The following IL1RL1 variants were observed in gnomAD, a reference collection of about 807,000 sequenced individuals.
The protein encoded by IL1RL1 is interleukin 1 receptor like 1, also known as interleukin-1 receptor-like 1.
A neutral mutation model predicts 50.9 loss-of-function variants in IL1RL1; 32 were observed. The ratio of observed to expected loss-of-function variants is 0.63; its 90% CI spans 0.47 to 0.84. The LOEUF is 0.84. IL1RL1 is among the 40% of genes least tolerant of loss of function. The pLI, the probability that IL1RL1 is intolerant of heterozygous loss-of-function variation, is 0.00. For missense variants in IL1RL1, 773 were observed against 662.9 expected (o/e 1.17, Z -1.82); for synonymous variants, 275 against 236.0 (o/e 1.17, Z -1.51).
chr2:102,311,982 T>C (rs1676512436), intron 1 of IL1RL1, among the ~76,000 whole-genome samples: 1 of 33,696 alleles, frequency 3.0e-5, no homozygotes, highest in Non-Finnish European at 4.5e-5. Flanking sequence ...TTATATATAA[T>C]ATATATTATA....
At chr2:102,321,538 C>T (rs578049190) in intron 1 of IL1RL1, among the ~76,000 whole-genome samples, 6 of 152,284 alleles carry the variant, frequency 3.9e-5, no homozygotes, top group African/African-American at 1.4e-4. Context: ...CACTGACATC[C>T]TTACCACTGA....
chr2:102,323,799 G>T (rs1419256542), intron 1 of IL1RL1, among the ~76,000 whole-genome samples: 1 of 152,042 alleles, frequency 6.6e-6, no homozygotes, highest in Non-Finnish European at 1.5e-5. Flanking sequence ...AAATATCCAT[G>T]CATACCACCT....
intron 1 of IL1RL1, among the ~76,000 whole-genome samples, chr2:102,316,068 G>A (rs553456653): frequency 2.9e-4 from 44 of 152,230 alleles, no homozygotes; most frequent in African/African-American, 1.0e-3. Flanking sequence ...TCAGATCCAG[G>A]ACTAATTCAC....
intron 1 of IL1RL1, among the ~76,000 whole-genome samples, chr2:102,313,779 C>G (rs1676590561): frequency 6.6e-6 from 1 of 152,190 alleles, no homozygotes; most frequent in Admixed American, 6.5e-5. Context: ...AGGAGTCTTA[C>G]AACAGTGGCG....
chr2:102,346,071 T>C (rs1573161067), intron 8 of IL1RL1: 1 of 968,918 alleles, frequency 1.0e-6, no homozygotes, highest in South Asian at 4.8e-5. Context: ...AGCAACTGTA[T>C]AAATTAAACA....
At chr2:102,346,499 C>T (rs1677789274) in intron 8 of IL1RL1, among the ~76,000 whole-genome samples, 1 of 152,190 alleles carries the variant, frequency 6.6e-6, no homozygotes, top group Admixed American at 6.5e-5. Flanking sequence ...AAGACTTCCT[C>T]TGATGTCTTG....
chr2:102,312,819 C>T (rs1319363751), intron 1 of IL1RL1: 1 of 152,102 alleles, frequency 6.6e-6, no homozygotes, highest in Non-Finnish European at 1.5e-5. Flanking sequence ...CTGAAGGCTA[C>T]TTCAACAGAG....
At chr2:102,331,717 CTT>C (rs972816328) in intron 1 of IL1RL1, among the ~76,000 whole-genome samples, 5 of 152,198 alleles carry the variant, frequency 3.3e-5, no homozygotes, top group Non-Finnish European at 7.3e-5. Flanking sequence ...TATATAAAAG[CTT>C]TATTTTTTGA....
chr2:102,333,021 G>A (rs1677216776), intron 1 of IL1RL1, among the ~76,000 whole-genome samples: 1 of 152,052 alleles, frequency 6.6e-6, no homozygotes, highest in African/African-American at 2.4e-5. Flanking sequence ...ATGAGGATAC[G>A]GGGTTGGAGG....
At chr2:102,344,071 A>T in intron 8 of IL1RL1, 1 of 238,130 alleles carries the variant, frequency 4.2e-6, no homozygotes, top group Non-Finnish European at 6.8e-6. Flanking sequence ...GCTTCTGGGG[A>T]CACCTCAGGA....
chr2:102,328,095 A>C (rs1331469034), intron 1 of IL1RL1, among the ~76,000 whole-genome samples: 1 of 152,204 alleles, frequency 6.6e-6, no homozygotes, highest in Non-Finnish European at 1.5e-5. Flanking sequence ...ACATTGATGC[A>C]AAAATCCTCA....
chr2:102,343,010 T>A, intron 6 of IL1RL1, 26 bp from the exon 7 acceptor site: 1 of 1,599,434 alleles, frequency 6.3e-7, no homozygotes, highest in Non-Finnish European at 8.5e-7. Context: ...TTAATTTTAT[T>A]GGTGAATGTC....
intron 1 of IL1RL1, among the ~76,000 whole-genome samples, chr2:102,325,251 T>C (rs1176572604): frequency 6.6e-6 from 1 of 152,076 alleles, no homozygotes; most frequent in African/African-American, 2.4e-5. Context: ...GGGTCTGGAG[T>C]GGAACTCCAG....
intron 8 of IL1RL1, 48 bp from the exon 9 acceptor site, chr2:102,347,897 A>T: frequency 8.9e-7 from 1 of 1,120,372 alleles, no homozygotes. Context: ...TCAGTTTATT[A>T]TATCTTGTTT....
chr2:102,342,956 G>GA, intron 6 of IL1RL1, 80 bp from the exon 7 acceptor site: 1 of 1,230,406 alleles, frequency 8.1e-7, no homozygotes. Flanking sequence ...GTTCAGTAAG[G>GA]TTTTTTTTTT....
At chr2:102,345,847 G>C in intron 8 of IL1RL1, 1 of 985,392 alleles carries the variant, frequency 1.0e-6, no homozygotes, top group Non-Finnish European at 1.2e-6. Context: ...TGGGGTGGTG[G>C]TGGGCCCAGT....
chr2:102,325,098 C>T (rs1456091314), intron 1 of IL1RL1, among the ~76,000 whole-genome samples: 1 of 152,162 alleles, frequency 6.6e-6, no homozygotes, highest in Non-Finnish European at 1.5e-5. Flanking sequence ...GGGAGGCACC[C>T]CCCAGTAGGG....
At chr2:102,343,220 T>C (rs562021540) in intron 7 of IL1RL1, 43 bp downstream of exon 7, 16 of 1,614,034 alleles carry the variant, frequency 9.9e-6, no homozygotes, top group Non-Finnish European at 1.3e-5. Context: ...CCCTTGCACA[T>C]GGTTTGCACC....
intron 1 of IL1RL1, among the ~76,000 whole-genome samples, 165 bp downstream of exon 1, chr2:102,311,788 T>A (rs1487713903): frequency 1.8e-5 from 2 of 108,260 alleles, no homozygotes; most frequent in Non-Finnish European, 3.6e-5. Context: ...TGTTATAACA[T>A]TATAACAATT....
Sources: allele counts gnomAD v4.1 joint callset (sites outside exome capture counted in the v4.1 genomes callset), GRCh38; gene constraint gnomAD v4.1.1; transcripts MANE v1.5; gene names NCBI Gene and HGNC (gene_info 2026-07-23, HGNC 2026-07-21).